The following GALNTL6 variants were observed in gnomAD, a reference collection of about 807,000 sequenced individuals.
GALNTL6 encodes polypeptide N-acetylgalactosaminyltransferase like 6, also known as polypeptide N-acetylgalactosaminyltransferase-like 6.
In GALNTL6, 46 loss-of-function variants were observed where a neutral mutation model predicts 73.7. The ratio of observed to expected loss-of-function variants is 0.62; its 90% CI spans 0.49 to 0.80. The LOEUF (loss-of-function observed/expected upper bound fraction) is 0.80. GALNTL6 is among the 30% of genes least tolerant of loss of function. The pLI is 0.00. For missense variants in GALNTL6, 604 were observed against 755.0 expected (o/e 0.80, Z 2.34); for synonymous variants, 259 against 263.7 (o/e 0.98, Z 0.17).
At chr4:172,431,133 T>A (rs1018756142) in intron 5 of GALNTL6, among the ~76,000 whole-genome samples, 1 of 151,852 alleles carries the variant, frequency 6.6e-6, no homozygotes, top group Non-Finnish European at 1.5e-5. Context: ...ATTAAATTGG[T>A]AAGGTTTTGT....
chr4:172,215,294 CTATCTT>C (rs1441390717), intron 2 of GALNTL6, among the ~76,000 whole-genome samples: 1 of 152,052 alleles, frequency 6.6e-6, no homozygotes, highest in Non-Finnish European at 1.5e-5. Flanking sequence ...CAGGTCAACT[CTATCTT>C]TACTAGTTTT....
At chr4:172,446,175 T>C (rs916355253) in intron 5 of GALNTL6, among the ~76,000 whole-genome samples, 1 of 152,140 alleles carries the variant, frequency 6.6e-6, no homozygotes, top group Non-Finnish European at 1.5e-5. Flanking sequence ...CTTAATATTA[T>C]CCCAAAGAAG....
intron 5 of GALNTL6, among the ~76,000 whole-genome samples, chr4:172,758,658 T>G (rs1226834937): frequency 2.0e-5 from 3 of 152,240 alleles, no homozygotes; most frequent in Admixed American, 2.0e-4. Context: ...AGATATTAAA[T>G]GGGATATTCC....
chr4:172,474,574 G>A, intron 5 of GALNTL6, among the ~76,000 whole-genome samples: 1 of 152,124 alleles, frequency 6.6e-6, no homozygotes, highest in Admixed American at 6.5e-5. Context: ...CATTGGCACT[G>A]TGGTAAGATG....
At chr4:172,945,375 A>T (rs1749116937) in intron 9 of GALNTL6, among the ~76,000 whole-genome samples, 1 of 152,226 alleles carries the variant, frequency 6.6e-6, no homozygotes, top group East Asian at 1.9e-4. Flanking sequence ...TTCCACTAAT[A>T]TAGTATATAC....
intron 7 of GALNTL6, among the ~76,000 whole-genome samples, chr4:172,836,609 T>C (rs1338582284): frequency 1.3e-5 from 2 of 152,214 alleles, no homozygotes; most frequent in Admixed American, 1.3e-4. Context: ...AAATATGCTT[T>C]TACCTAATTG....
intron 5 of GALNTL6, among the ~76,000 whole-genome samples, chr4:172,369,949 A>G (rs1375611937): frequency 6.6e-6 from 1 of 152,214 alleles, no homozygotes; most frequent in Non-Finnish European, 1.5e-5. Context: ...GGGCTCCTCA[A>G]GTGTGGCCAG....
intron 5 of GALNTL6, among the ~76,000 whole-genome samples, chr4:172,441,242 T>C (rs1731827358): frequency 6.6e-6 from 1 of 152,142 alleles, no homozygotes; most frequent in Non-Finnish European, 1.5e-5. Flanking sequence ...CACTCATTGA[T>C]ATCCAAACAG....
intron 2 of GALNTL6, among the ~76,000 whole-genome samples, chr4:172,204,564 A>G (rs1411695193): frequency 6.6e-6 from 1 of 152,188 alleles, no homozygotes; most frequent in Admixed American, 6.5e-5. Context: ...ATTTTTAATA[A>G]TATTGTGTAT....
rs1732984742 is a variant in GALNTL6, at chr4:172,687,417, C to T, written c.554-121944C>T. On this transcript the variant is annotated intron_variant, in intron 5 of 12. Transcript: ENST00000506823. ...GGCTGAGGCGGGCGGATCACCAGGT[C>T]AGAAGTTCAAGACCAGCCTGACCAA... Among the ~76,000 whole-genome samples the T allele has an allele frequency of 2.0e-5, 3 of 151,878 alleles. No individual in the cohort carries two copies. The South Asian group carries it at 6.2e-4, about 32-fold the overall frequency.
chr4:172,078,148 A>G lies in GALNTL6; in HGVS notation c.139-151508A>G, dbSNP rs548126854. ...TGTCCAGGCAGTAGTCTGCTTCAAGAGTGGAGCCCTCATGGAGAACCTCTA... is the reference window on the plus strand; with the variant it reads ...TGTCCAGGCAGTAGTCTGCTTCAAGGGTGGAGCCCTCATGGAGAACCTCTA... On this transcript the variant is annotated intron_variant, in intron 2 of 12. Transcript: ENST00000506823. Among the ~76,000 whole-genome samples, 4 of 152,272 alleles carry G rather than the reference A, an allele frequency of 2.6e-5. No individual in the cohort carries two copies. The South Asian group carries it at 8.3e-4, about 32-fold the overall frequency.
At position 172,952,096 on chromosome 4, in the gene GALNTL6, G is replaced by A; in HGVS notation, c.1209G>A (p.Arg403=). The A allele has an allele frequency of 6.2e-7, 1 of 1,614,136 alleles. No individual in the cohort carries two copies. Among genetic ancestry groups the A allele is most frequent in the Non-Finnish European group, 8.5e-7 (1 of 1,180,016 alleles). The change falls in exon 10 of 13, where the codon CGG becomes CGA. Residue 403 remains arginine (R), a synonymous_variant. Transcript: ENST00000506823. ...MDEFAEYIYQ[R]RPEYRHLSTG... ...AATTTGCCGAGTACATTTACCAGCG[G>A]CGGCCGGAGTACAGGCATCTCTCCA...
chr4:172,082,722 C>T (rs1052854425), intron 2 of GALNTL6, among the ~76,000 whole-genome samples: 2 of 152,026 alleles, frequency 1.3e-5, no homozygotes, highest in Non-Finnish European at 1.5e-5. Flanking sequence ...ACTTTAATGG[C>T]GGTCACATGA....
chr4:171,889,511 G>A (rs531163121), intron 2 of GALNTL6, among the ~76,000 whole-genome samples: 1 of 152,178 alleles, frequency 6.6e-6, no homozygotes, highest in South Asian at 2.1e-4. Context: ...AATCTAGGCT[G>A]AGTCTATAAG....
intron 2 of GALNTL6, among the ~76,000 whole-genome samples, chr4:172,224,091 A>G (rs1736773896): frequency 6.6e-6 from 1 of 152,186 alleles, no homozygotes; most frequent in African/African-American, 2.4e-5. Flanking sequence ...TTTCAAGGGC[A>G]ATGGAAATAA....
At chr4:172,057,426 T>C (rs923043920) in intron 2 of GALNTL6, among the ~76,000 whole-genome samples, 2 of 151,768 alleles carry the variant, frequency 1.3e-5, no homozygotes, top group Non-Finnish European at 2.9e-5. Flanking sequence ...TGTGGTCTCA[T>C]GCCTGTGGTC....
At position 172,436,830 on chromosome 4, in the gene GALNTL6, A is replaced by T. The variant is rs114745301; in HGVS notation, c.553+88141A>T. ...CAGGCTCCTCCTTTATTCAACTTTA[A>T]CTAGTACTTATTTTTCTTATGGTAC... On this transcript the variant is annotated intron_variant, in intron 5 of 12. Transcript: ENST00000506823. 5.2e-3 allele frequency among the ~76,000 whole-genome samples: 798 copies of T among 152,144 alleles called. 9 individuals are homozygous for T. The highest frequency in any genetic ancestry group is 0.018 in the African/African-American group (728 of 41,512).
At chr4:172,221,176 T>C (rs1736663659) in intron 2 of GALNTL6, among the ~76,000 whole-genome samples, 1 of 151,842 alleles carries the variant, frequency 6.6e-6, no homozygotes, top group Non-Finnish European at 1.5e-5. Context: ...AAAAAGATCA[T>C]AGCTTTTTCT....
intron 5 of GALNTL6, among the ~76,000 whole-genome samples, chr4:172,641,104 A>G (rs1739952614): frequency 6.6e-6 from 1 of 152,078 alleles, no homozygotes; most frequent in Admixed American, 6.6e-5. Context: ...TGCAAAATAT[A>G]TTTAAAATCT....
Sources: gnomAD v4.1 joint callset for allele counts (sites outside exome capture counted in the v4.1 genomes callset) on GRCh38, gnomAD v4.1.1 for gene constraint, MANE v1.5 for transcripts, NCBI Gene and HGNC (gene_info 2026-07-23, HGNC 2026-07-21) for gene names.